ABCC6: variants seen among roughly 807,000 people sequenced by gnomAD.
ABCC6 encodes the protein ATP-binding cassette sub-family C member 6.
ABCC6 carries 126 observed loss-of-function variants against 169.5 expected under a neutral mutation model. That is an observed-to-expected ratio of 0.74 (90% CI 0.64 to 0.86). ABCC6 has a LOEUF of 0.86. ABCC6 is among the 40% of genes least tolerant of loss of function. ABCC6 has a pLI of 0.00. For missense variants in ABCC6, 1,733 were observed against 1,927.2 expected, an observed-to-expected ratio of 0.90 and a Z score of 1.89; for synonymous variants, 752 against 814.7, an observed-to-expected ratio of 0.92 and a Z score of 1.31.
In ABCC6 at chr16:16,204,702, C is replaced by A. The variant is rs373163837; in HGVS notation, c.795-1089G>T. Among the ~76,000 whole-genome samples, 17 of 152,260 alleles carry A rather than the reference C, an allele frequency of 1.1e-4. No individual in the cohort carries two copies. The East Asian group carries it at 3.3e-3, about 29-fold the overall frequency. Reference sequence around the variant, plus strand: ...TGGGGCGATGCAGCTGCTGACAGTCCGGTTGCTGTGTGGTCCTGGGCGGGG... The same window carrying A: ...TGGGGCGATGCAGCTGCTGACAGTCAGGTTGCTGTGTGGTCCTGGGCGGGG... On this transcript the variant is annotated intron_variant, in intron 7 of 30. Coordinates refer to ENST00000205557, the MANE Select transcript of ABCC6 (RefSeq NM_001171.6).
chr16:16,193,891 A>G (rs2047948160), intron 10 of ABCC6, among the ~76,000 whole-genome samples: 1 of 152,182 alleles, frequency 6.6e-6, no homozygotes, highest in Admixed American at 6.5e-5. Context: ...AGGGAATCTG[A>G]TAAGGGCAGC....
rs769376902 is a variant in ABCC6, at chr16:16,165,774, G to T, written c.3155C>A (p.Thr1052Lys). 6.2e-7 allele frequency: 1 copy of T among 1,613,826 alleles called. No homozygotes were observed. The highest frequency in any genetic ancestry group is 1.1e-5 in the South Asian group (1 of 91,090). The stretch of plus-strand genomic sequence containing the variant: ...TGGAATGTCCACGTCAACCGTGTCT[G>T]TCTCCTTGGAGAAGCGGTTTAGCAG... Reference protein sequence around the residue: ...GHLLNRFSKETDTVDVDIPDK... With the variant: ...GHLLNRFSKEKDTVDVDIPDK... Residue 1052 changes from threonine to lysine, a missense_variant, in exon 23 of 31, where the codon ACA becomes AAA. Transcript: ENST00000205557.
In ABCC6 at chr16:16,198,001, G is replaced by C. The variant is rs12929920; in HGVS notation, c.1338+20C>G. The C allele has an allele frequency of 0.77, 1,232,255 of 1,609,740 alleles. 475,804 individuals are homozygous for C. The highest frequency in any genetic ancestry group is 0.89 in the East Asian group (39,786 of 44,702). On this transcript the variant is annotated intron_variant, in intron 10 of 30. Transcript: ENST00000205557. ...GGGTGGGGGACTCCGTTCAAATCCC[G>C]TCTTCCTCCTCTGGCATACCTGCCA...
intron 21 of ABCC6, 102 bp downstream of exon 21, chr16:16,173,182 G>T: frequency 6.5e-7 from 1 of 1,542,810 alleles, no homozygotes. Context: ...AGGTGCTCAA[G>T]AAAGGTGAGT....
chr16:16,205,967 G>A (rs1296285112), intron 7 of ABCC6, among the ~76,000 whole-genome samples: 1 of 152,204 alleles, frequency 6.6e-6, no homozygotes, highest in Non-Finnish European at 1.5e-5. Flanking sequence ...ACTTGGCTTT[G>A]GAGCCAGGAG....
chr16:16,154,032 C>T (rs1291656455), intron 29 of ABCC6, among the ~76,000 whole-genome samples: 4 of 151,940 alleles, frequency 2.6e-5, no homozygotes, highest in Admixed American at 2.0e-4. Context: ...TCACTGCAAC[C>T]TTCGCCTCCC....
intron 4 of ABCC6, among the ~76,000 whole-genome samples, chr16:16,216,671 T>C (rs891669328): frequency 6.8e-6 from 1 of 146,488 alleles, no homozygotes; most frequent in African/African-American, 2.5e-5. Flanking sequence ...CATGTACTGA[T>C]TTTCTTTCTT....
chr16:16,159,088 G>A (rs1018224585), intron 26 of ABCC6, among the ~76,000 whole-genome samples: 3 of 152,050 alleles, frequency 2.0e-5, no homozygotes, highest in Non-Finnish European at 4.4e-5. Flanking sequence ...GCAATATTGT[G>A]GTTATGTTGC....
chr16:16,155,381 C>A, intron 27 of ABCC6: 1 of 367,402 alleles, frequency 2.7e-6, no homozygotes. Context: ...TCCGTCCATC[C>A]ATCCCTTATC....
chr16:16,162,545 T>C (rs2046751091), intron 24 of ABCC6, among the ~76,000 whole-genome samples: 1 of 152,218 alleles, frequency 6.6e-6, no homozygotes, highest in Admixed American at 6.5e-5. Context: ...TTAATCCTCA[T>C]ATCCACTCCA....
intron 12 of ABCC6, among the ~76,000 whole-genome samples, chr16:16,189,805 A>G (rs1179491802): frequency 6.6e-6 from 1 of 152,174 alleles, no homozygotes. Flanking sequence ...GACAAGGATC[A>G]CGTCCAGTGA....
intron 21 of ABCC6, chr16:16,173,013 GC>G: frequency 2.0e-6 from 1 of 504,096 alleles, no homozygotes; most frequent in Non-Finnish European, 3.6e-6. Flanking sequence ...CTGCGGTCCA[GC>G]CTGGGTGAGT....
chr16:16,159,940 C>T (rs1353564305), intron 25 of ABCC6, among the ~76,000 whole-genome samples: 1 of 152,186 alleles, frequency 6.6e-6, no homozygotes, highest in Non-Finnish European at 1.5e-5. Context: ...GGCTTTCTCG[C>T]AGCGACTGGG....
chr16:16,175,770 G>T, intron 20 of ABCC6, 141 bp downstream of exon 20: 1 of 848,816 alleles, frequency 1.2e-6, no homozygotes. Context: ...CCTCAGCAGG[G>T]CACCATGGGG....
intron 20 of ABCC6, 32 bp downstream of exon 20, chr16:16,175,879 C>A: frequency 6.2e-7 from 1 of 1,613,176 alleles, no homozygotes; most frequent in East Asian, 2.2e-5. Flanking sequence ...TCAGCCTGTG[C>A]CCTTCTGAGT....
At chr16:16,183,654 A>G (rs2047553132) in intron 15 of ABCC6, among the ~76,000 whole-genome samples, 1 of 152,132 alleles carries the variant, frequency 6.6e-6, no homozygotes, top group South Asian at 2.1e-4. Context: ...GGTTCTCACC[A>G]GGGGGTGACT....
At position 16,198,012 on chromosome 16, in the gene ABCC6, CTG is replaced by C. The variant is rs776347894; in HGVS notation, c.1338+7_1338+8del. ...TCCGTTCAAATCCCGTCTTCCTCCTCTGGCATACCTGCCAGAGATAGACGAAG... is the reference window on the plus strand; with the variant it reads ...TCCGTTCAAATCCCGTCTTCCTCCTCGCATACCTGCCAGAGATAGACGAAG... On this transcript the variant is annotated splice_region_variant and intron_variant, in intron 10 of 30. Coordinates refer to ENST00000205557, the MANE Select transcript of ABCC6 (RefSeq NM_001171.6). 1 of 1,613,748 alleles carries C rather than the reference CTG, an allele frequency of 6.2e-7. No homozygotes were observed. Among genetic ancestry groups the C allele is most frequent in the South Asian group, 1.1e-5 (1 of 90,986 alleles).
At chr16:16,177,297 A>G in intron 19 of ABCC6, 155 bp downstream of exon 19, 1 of 814,252 alleles carries the variant, frequency 1.2e-6, no homozygotes, top group Admixed American at 1.9e-5. Context: ...TCTTGGAGAA[A>G]GGTGACCTAT....
At chr16:16,160,574 A>G (rs1253453859) in intron 25 of ABCC6, among the ~76,000 whole-genome samples, 1 of 135,094 alleles carries the variant, frequency 7.4e-6, no homozygotes, top group Non-Finnish European at 1.5e-5. Context: ...CAGGCAGACC[A>G]CTTGAACCTA....
Sources: gnomAD v4.1 joint callset for allele counts (sites outside exome capture counted in the v4.1 genomes callset) on GRCh38, gnomAD v4.1.1 for gene constraint, MANE v1.5 for transcripts, NCBI Gene and HGNC (gene_info 2026-07-23, HGNC 2026-07-21) for gene names.